Variants in HIF3A observed in about 807,000 individuals in gnomAD.
The protein encoded by HIF3A is hypoxia-inducible factor 3-alpha.
Under a neutral mutation model 67.2 loss-of-function variants are expected in HIF3A, and 41 were observed. The ratio of observed to expected loss-of-function variants is 0.61; its 90% CI spans 0.48 to 0.79. The LOEUF is 0.79. Among genes scored for constraint, HIF3A ranks in the 30% least tolerant of loss-of-function variants. The probability of loss-of-function intolerance (pLI) is 0.00; values close to 1 mark genes in which losing one functional copy is unlikely to be tolerated. For synonymous variants in HIF3A, 356 were observed against 374.8 expected (o/e 0.95, Z 0.58); for missense variants, 855 against 898.0 (o/e 0.95, Z 0.61).
rs2147122633 is a variant in HIF3A at position 46,304,099 on chromosome 19, C to T, written c.217+11C>T. 6.5e-7 allele frequency: 1 copy of T among 1,550,138 alleles called. No individual in the cohort carries two copies. Among genetic ancestry groups the T allele is most frequent in the Non-Finnish European group, 8.7e-7 (1 of 1,149,294 alleles). ...GCCTCTGCGCCGCAGGTGAGCCCCG[C>T]CCGCGGGAATTCCCGTCTTGGTCAG... On this transcript the variant is annotated intron_variant, in intron 2 of 14. Transcript: ENST00000377670.
At chr19:46,325,021 G>C (rs1418808257) in intron 10 of HIF3A, among the ~76,000 whole-genome samples, 1 of 147,144 alleles carries the variant, frequency 6.8e-6, no homozygotes, top group East Asian at 2.1e-4. Flanking sequence ...GTGTGAGACA[G>C]AGTCTTACTC....
chr19:46,330,349 A>G (rs1971108486), intron 12 of HIF3A, among the ~76,000 whole-genome samples: 1 of 152,078 alleles, frequency 6.6e-6, no homozygotes, highest in South Asian at 2.1e-4. Flanking sequence ...GTATGTATGT[A>G]TGTGTGTATG....
At chr19:46,331,063 G>T in intron 12 of HIF3A, 93 bp from the exon 13 acceptor site, 1 of 871,606 alleles carries the variant, frequency 1.1e-6, no homozygotes, top group African/African-American at 1.7e-5. Flanking sequence ...TAGGTGCTCA[G>T]GGGAGTGAAT....
chr19:46,310,611 A>G (rs1162764813), intron 6 of HIF3A: 1 of 455,864 alleles, frequency 2.2e-6, no homozygotes, highest in Non-Finnish European at 4.4e-6. Context: ...AAATGACTTC[A>G]CCTCTCTGTG....
rs140579216 is a variant in HIF3A at position 46,329,401 on chromosome 19, T to C, written c.1635T>C (p.Ser545=). The C allele has an allele frequency of 2.1e-5, 34 of 1,606,866 alleles. No individual in the cohort carries two copies. In the African/African-American group the frequency reaches 4.3e-4, roughly 20 times the overall value. Residue 545 remains serine (S), a synonymous_variant, in exon 12 of 15, where the codon AGT becomes AGC. Transcript: ENST00000377670. Reference sequence around the variant, plus strand: ...CCTCCCTGCTACCCCGCTGGGGGAGTGACCCCCGGCTGAGCTGCTCCAGCC... The same window carrying C: ...CCTCCCTGCTACCCCGCTGGGGGAGCGACCCCCGGCTGAGCTGCTCCAGCC... ...LEPSLLPRWG[S]DPRLSCSSPS...
intron 8 of HIF3A, among the ~76,000 whole-genome samples, chr19:46,319,809 C>T (rs1003727483): frequency 6.6e-6 from 1 of 152,042 alleles, no homozygotes; most frequent in African/African-American, 2.4e-5. Context: ...CTTTCAGTGC[C>T]GCCCCACCCC....
Position 46,307,193 on chromosome 19 carries a change from C to A in HIF3A, c.364-1028C>A, listed in dbSNP as rs549616606. 3.3e-5 allele frequency among the ~76,000 whole-genome samples: 5 copies of A among 152,296 alleles called. No homozygotes were observed. The South Asian group carries it at 1.0e-3, about 32-fold the overall frequency. ...CGTTACCTTGTACTGCTTTTGTTTT[C>A]TTCATGTTACTTGTTATATTGTTGT... On this transcript the variant is annotated intron_variant, in intron 3 of 14. Coordinates refer to ENST00000377670, the MANE Select transcript of HIF3A (RefSeq NM_152795.4).
intron 3 of HIF3A, 70 bp from the exon 4 acceptor site, chr19:46,308,151 G>C: frequency 2.1e-6 from 2 of 945,306 alleles, no homozygotes; most frequent in Admixed American, 1.7e-5. Flanking sequence ...TTGGAGCAGG[G>C]GAATGAGGAT....
chr19:46,312,876 CTGT>C, intron 8 of HIF3A: 1 of 990,712 alleles, frequency 1.0e-6, no homozygotes, highest in Non-Finnish European at 1.2e-6. Flanking sequence ...GGTGTGTAGA[CTGT>C]TAATTTTTTT....
chr19:46,325,687 G>A, intron 11 of HIF3A, 48 bp downstream of exon 11: 3 of 1,297,546 alleles, frequency 2.3e-6, no homozygotes, highest in East Asian at 2.3e-5. Flanking sequence ...GTGTTCTGGG[G>A]ATTCACATAT....
intron 8 of HIF3A, among the ~76,000 whole-genome samples, chr19:46,315,642 A>G (rs887605344): frequency 6.6e-6 from 1 of 152,186 alleles, no homozygotes; most frequent in Non-Finnish European, 1.5e-5. Context: ...GGCTGGGCAC[A>G]GTGGCTGATG....
At position 46,343,329 on chromosome 19, in the gene HIF3A, A is replaced by G. The variant is rs989348915; in HGVS notation, c.*3707A>G. On this transcript the variant is annotated 3_prime_UTR_variant, in exon 15 of 15. Coordinates refer to ENST00000377670, the MANE Select transcript of HIF3A (RefSeq NM_152795.4). The stretch of plus-strand genomic sequence containing the variant: ...GGTGATGTGGGCCCTCAATGGAGGG[A>G]ATTGTGCTGGGCTAGGGAAAGGGGA... 2.0e-5 allele frequency: 3 copies of G among 152,616 alleles called. No individual in the cohort carries two copies. The highest frequency in any genetic ancestry group is 6.6e-5 in the Admixed American group (1 of 15,252). The allele number at this position is 152,616 out of a possible 1,614,324, so 9.5% of individuals were successfully genotyped here.
At position 46,309,264 on chromosome 19, in the gene HIF3A, C is replaced by T. The variant is rs1568509791; in HGVS notation, c.675C>T (p.Ala225=). The change falls in exon 6 of 15, where the codon GCC becomes GCT. Residue 225 remains alanine, a synonymous_variant. Transcript: ENST00000377670. ...AGTGCCTGGTGCTCATCTGCGAAGCCATCCCCCACCCAGGCAGCCTGGAGC... is the reference window on the plus strand; with the variant it reads ...AGTGCCTGGTGCTCATCTGCGAAGCTATCCCCCACCCAGGCAGCCTGGAGC... The part of the protein sequence containing the change: ...PLQCLVLICE[A]IPHPGSLEPP... 1.2e-6 allele frequency: 2 copies of T among 1,613,872 alleles called. No homozygotes were observed. Among genetic ancestry groups the T allele is most frequent in the South Asian group, 2.2e-5 (2 of 91,022 alleles).
At chr19:46,304,143 AACT>A in intron 2 of HIF3A, 55 bp downstream of exon 2, 1 of 1,474,276 alleles carries the variant, frequency 6.8e-7, no homozygotes, top group Non-Finnish European at 9.2e-7. Flanking sequence ...CACGGAAAAA[AACT>A]ACATCCCAGG....
At position 46,339,657 on chromosome 19, in the gene HIF3A, C is replaced by A. The variant is rs369285894; in HGVS notation, c.*35C>A. 72 of 1,477,278 alleles carry A rather than the reference C, an allele frequency of 4.9e-5. No homozygotes were observed. Among genetic ancestry groups the A allele is most frequent in the Middle Eastern group, 2.0e-4 (1 of 4,920 alleles). The allele number at this position is 1,477,278 out of a possible 1,614,324, so 91.5% of individuals were successfully genotyped here. ...TCTCCCCATCTGCCTTCTCCTCCCCCAGAAAGGACCTCAACCACACTCCAC... is the reference window on the plus strand; with the variant it reads ...TCTCCCCATCTGCCTTCTCCTCCCCAAGAAAGGACCTCAACCACACTCCAC... On this transcript the variant is annotated 3_prime_UTR_variant, in exon 15 of 15. Transcript: ENST00000377670.
At chr19:46,333,907 C>T (rs973242746) in intron 13 of HIF3A, among the ~76,000 whole-genome samples, 1 of 149,772 alleles carries the variant, frequency 6.7e-6, no homozygotes, top group African/African-American at 2.5e-5. Context: ...ATTCTCCTGC[C>T]TCAGCCTCCC....
intron 13 of HIF3A, 98 bp from the exon 14 acceptor site, chr19:46,334,807 C>T (rs989930300): frequency 2.8e-5 from 27 of 952,466 alleles, no homozygotes; most frequent in South Asian, 4.8e-5. Flanking sequence ...CCTCTGGCCT[C>T]AGCCCCCGAA....
intron 12 of HIF3A, 107 bp from the exon 13 acceptor site, chr19:46,331,049 T>C: frequency 1.3e-6 from 1 of 742,720 alleles, no homozygotes; most frequent in South Asian, 1.9e-5. Flanking sequence ...ACTAAAGGAA[T>C]AAATAGGTGC....
intron 8 of HIF3A, among the ~76,000 whole-genome samples, chr19:46,317,298 T>A (rs1365707821): frequency 6.6e-6 from 1 of 151,952 alleles, no homozygotes; most frequent in African/African-American, 2.4e-5. Flanking sequence ...CAAGTGACCC[T>A]CCCGCCTCAG....
Sources: allele counts gnomAD v4.1 joint callset (sites outside exome capture counted in the v4.1 genomes callset), GRCh38; gene constraint gnomAD v4.1.1; transcripts MANE v1.5; gene names NCBI Gene and HGNC (gene_info 2026-07-23, HGNC 2026-07-21).